The following CNTN6 variants were observed in gnomAD, a reference collection of about 807,000 sequenced individuals.
The protein encoded by CNTN6 is contactin-6.
In CNTN6, 137 loss-of-function variants were observed where a neutral mutation model predicts 122.8. The ratio of observed to expected loss-of-function variants is 1.12; its 90% CI spans 0.97 to 1.29. The LOEUF (loss-of-function observed/expected upper bound fraction) is 1.29, where lower values mean the gene tolerates loss of function less well. CNTN6 is among the 50% of genes most tolerant of loss of function. The pLI, the probability that CNTN6 is intolerant of heterozygous loss-of-function variation, is 0.00. For missense variants in CNTN6, 1,634 were observed against 1,223.4 expected (o/e 1.34, Z -5.01); for synonymous variants, 570 against 426.0 (o/e 1.34, Z -4.16).
At chr3:1,212,557 A>T (rs1344051730) in intron 2 of CNTN6, among the ~76,000 whole-genome samples, 1 of 151,900 alleles carries the variant, frequency 6.6e-6, no homozygotes, top group East Asian at 1.9e-4. Flanking sequence ...ATATATGTGT[A>T]TACACATACA....
At chr3:1,117,335 AC>A (rs1359810031) in intron 1 of CNTN6, among the ~76,000 whole-genome samples, 1 of 151,892 alleles carries the variant, frequency 6.6e-6, no homozygotes, top group Non-Finnish European at 1.5e-5. Flanking sequence ...AAGGTTAAAA[AC>A]AAAAATCAGA....
chr3:1,131,734 C>T (rs1009977465), intron 1 of CNTN6, among the ~76,000 whole-genome samples: 11 of 152,058 alleles, frequency 7.2e-5, no homozygotes, highest in African/African-American at 2.7e-4. Flanking sequence ...GATAAATCTT[C>T]CTAGAACCAA....
chr3:1,233,539 G>C (rs866756360), intron 4 of CNTN6, among the ~76,000 whole-genome samples: 1 of 151,866 alleles, frequency 6.6e-6, no homozygotes, highest in Non-Finnish European at 1.5e-5. Flanking sequence ...TTTGAGACCA[G>C]CCTGGCCAAC....
intron 1 of CNTN6, among the ~76,000 whole-genome samples, chr3:1,115,695 T>C (rs374240882): frequency 2.6e-5 from 4 of 152,278 alleles, no homozygotes; most frequent in African/African-American, 7.2e-5. Flanking sequence ...GAGGTTACAG[T>C]GAGCTGAGAT....
chr3:1,110,816 T>G (rs1370544368), intron 1 of CNTN6, among the ~76,000 whole-genome samples: 1 of 152,170 alleles, frequency 6.6e-6, no homozygotes, highest in Non-Finnish European at 1.5e-5. Flanking sequence ...TGACCTCTGC[T>G]GCATTCCTCT....
chr3:1,313,213 T>C (rs1699638573), intron 7 of CNTN6, among the ~76,000 whole-genome samples: 1 of 152,108 alleles, frequency 6.6e-6, no homozygotes, highest in African/African-American at 2.4e-5. Flanking sequence ...ATAGACAAGC[T>C]GTTAGTGAAC....
intron 2 of CNTN6, among the ~76,000 whole-genome samples, chr3:1,158,283 G>T (rs1336696591): frequency 6.6e-6 from 1 of 152,204 alleles, no homozygotes; most frequent in East Asian, 1.9e-4. Flanking sequence ...CTGATGATCA[G>T]TGACATTGAG....
chr3:1,122,314 AAAAG>A (rs2091979005), intron 1 of CNTN6, among the ~76,000 whole-genome samples: 1 of 149,848 alleles, frequency 6.7e-6, no homozygotes, highest in Admixed American at 6.6e-5. Flanking sequence ...ATAAAGGAAA[AAAAG>A]GAAAGAAAGA....
At chr3:1,255,417 G>GAA (rs34880392) in intron 4 of CNTN6, among the ~76,000 whole-genome samples, 19 of 127,602 alleles carry the variant, frequency 1.5e-4, no homozygotes, top group African/African-American at 4.3e-4. Flanking sequence ...TTTGAAAATG[G>GAA]AAAAAAAAAA....
intron 4 of CNTN6, among the ~76,000 whole-genome samples, chr3:1,261,379 T>C (rs950992782): frequency 8.5e-5 from 13 of 152,120 alleles, no homozygotes; most frequent in African/African-American, 1.4e-4. Flanking sequence ...TTGTGGGCAA[T>C]TGTGGCTCAG....
chr3:1,196,883 T>G (rs1266706748), intron 2 of CNTN6, among the ~76,000 whole-genome samples: 2 of 152,186 alleles, frequency 1.3e-5, no homozygotes, highest in African/African-American at 4.8e-5. Context: ...CCTATAAAAC[T>G]TTCTGCCCAG....
chr3:1,398,957 G>A (rs1695318581), intron 20 of CNTN6, among the ~76,000 whole-genome samples: 1 of 152,102 alleles, frequency 6.6e-6, no homozygotes. Context: ...ACATGTCAAT[G>A]ACAAAGTCAT....
intron 2 of CNTN6, among the ~76,000 whole-genome samples, chr3:1,213,723 C>T (rs1030605676): frequency 1.7e-4 from 26 of 151,712 alleles, no homozygotes; most frequent in African/African-American, 3.9e-4. Flanking sequence ...ATACCATAGA[C>T]GTTACTTTTA....
At position 1,355,264 on chromosome 3, in the gene CNTN6, T is replaced by C. The variant is rs186552052; in HGVS notation, c.1492+2813T>C. ...ACATATAAATAAAATAAACACAAAA[T>C]GTGTGTACAGTATGAAGAAAAACAG... On this transcript the variant is annotated intron_variant, in intron 12 of 22. Coordinates refer to ENST00000446702, the MANE Select transcript of CNTN6 (RefSeq NM_001289080.2). Among the ~76,000 whole-genome samples the C allele has an allele frequency of 7.4e-4, 113 of 151,762 alleles. 1 individual carries two copies. The highest frequency in any genetic ancestry group is 2.5e-3 in the African/African-American group (105 of 41,498).
intron 5 of CNTN6, among the ~76,000 whole-genome samples, chr3:1,284,367 C>T (rs1381565919): frequency 1.3e-5 from 2 of 152,206 alleles, no homozygotes; most frequent in Admixed American, 6.5e-5. Flanking sequence ...CTGTTTCTGG[C>T]GTAAATGAAA....
At chr3:1,380,462 T>A (rs1385348982) in intron 17 of CNTN6, among the ~76,000 whole-genome samples, 1 of 152,298 alleles carries the variant, frequency 6.6e-6, no homozygotes, top group East Asian at 1.9e-4. Flanking sequence ...TATTTTATCA[T>A]AATGTGTATA....
At chr3:1,275,461 C>G (rs1052969685) in intron 4 of CNTN6, among the ~76,000 whole-genome samples, 2 of 152,184 alleles carry the variant, frequency 1.3e-5, no homozygotes, top group African/African-American at 4.8e-5. Flanking sequence ...CACACCCTCT[C>G]TCTCATATCT....
At chr3:1,194,366 C>A (rs2093745655) in intron 2 of CNTN6, among the ~76,000 whole-genome samples, 1 of 152,074 alleles carries the variant, frequency 6.6e-6, no homozygotes, top group Non-Finnish European at 1.5e-5. Context: ...GCTCTGTGGA[C>A]TTGGGAGACT....
chr3:1,384,750 C>CAT (rs370173295), intron 19 of CNTN6, among the ~76,000 whole-genome samples: 22,151 of 99,630 alleles, frequency 0.22, 2,113 homozygotes, highest in Non-Finnish European at 0.24. Flanking sequence ...CATATATACA[C>CAT]ATATATATAC....
Sources: gnomAD v4.1 joint callset for allele counts (sites outside exome capture counted in the v4.1 genomes callset) on GRCh38, gnomAD v4.1.1 for gene constraint, MANE v1.5 for transcripts, NCBI Gene and HGNC (gene_info 2026-07-23, HGNC 2026-07-21) for gene names.